CYYR1: variants seen among roughly 807,000 people sequenced by gnomAD.
CYYR1 encodes the protein cysteine and tyrosine rich 1, also known as cysteine and tyrosine-rich protein 1.
CYYR1 carries 14 observed loss-of-function variants against 15.2 expected under a neutral mutation model. The ratio of observed to expected loss-of-function variants is 0.92; its 90% CI spans 0.61 to 1.44. CYYR1 has a LOEUF of 1.44. CYYR1 is among the 40% of genes most tolerant of loss of function. The probability of loss-of-function intolerance (pLI) is 0.00; values close to 1 mark genes in which losing one functional copy is unlikely to be tolerated. For synonymous variants in CYYR1, 80 were observed against 77.4 expected (o/e 1.03, Z -0.18); for missense variants, 228 against 209.5 (o/e 1.09, Z -0.54).
chr21:26,567,721 A>AT (rs1248985262), intron 1 of CYYR1, among the ~76,000 whole-genome samples: 1 of 152,120 alleles, frequency 6.6e-6, no homozygotes, highest in Non-Finnish European at 1.5e-5. Flanking sequence ...TATCAAAGCT[A>AT]TAACATTAAA....
chr21:26,552,707 C>G (rs1033608622), intron 2 of CYYR1, among the ~76,000 whole-genome samples: 3 of 152,122 alleles, frequency 2.0e-5, no homozygotes, highest in African/African-American at 7.2e-5. Flanking sequence ...AACTCTTCAT[C>G]ATCACCTAGA....
At chr21:26,526,673 A>G (rs222934) in intron 2 of CYYR1, among the ~76,000 whole-genome samples, 25 of 151,978 alleles carry the variant, frequency 1.6e-4, no homozygotes, top group Non-Finnish European at 3.1e-4. Flanking sequence ...TCAGGAACAC[A>G]TCTTTCTTCC....
chr21:26,482,793 T>C (rs1649533782), intron 2 of CYYR1, among the ~76,000 whole-genome samples: 1 of 152,110 alleles, frequency 6.6e-6, no homozygotes, highest in African/African-American at 2.4e-5. Context: ...TATAATTACT[T>C]TCCTTTGTGT....
At chr21:26,534,329 C>G (rs2065968215) in intron 2 of CYYR1, among the ~76,000 whole-genome samples, 1 of 152,164 alleles carries the variant, frequency 6.6e-6, no homozygotes, top group South Asian at 2.1e-4. Flanking sequence ...CTTCTCCAGA[C>G]TCAGCTTCAG....
chr21:26,546,882 T>G (rs1045424921), intron 2 of CYYR1, among the ~76,000 whole-genome samples: 1 of 152,128 alleles, frequency 6.6e-6, no homozygotes, highest in African/African-American at 2.4e-5. Flanking sequence ...GGAAGTTCAT[T>G]GTGGCTCGAC....
At position 26,468,049 on chromosome 21, in the gene CYYR1, T is replaced by G; in HGVS notation, c.*452A>C. On this transcript the variant is annotated 3_prime_UTR_variant, in exon 4 of 4. Transcript: ENST00000652641. ...AAACTCTTAGGCACTCAAAATACAT[T>G]TATTGATGAATGAAAGAATGAACAA... 4.4e-6 allele frequency: 1 copy of G among 226,312 alleles called. No homozygotes were observed. Among genetic ancestry groups the G allele is most frequent in the South Asian group, 6.2e-5 (1 of 16,068 alleles). The allele number at this position is 226,312 out of a possible 1,614,324, so 14.0% of individuals were successfully genotyped here.
chr21:26,572,491 CAA>C (rs1421300828), intron 1 of CYYR1, among the ~76,000 whole-genome samples: 1 of 152,072 alleles, frequency 6.6e-6, no homozygotes, highest in Non-Finnish European at 1.5e-5. Flanking sequence ...TTTTTATTCA[CAA>C]GAGGGAAAAC....
At chr21:26,570,794 A>T (rs1980961188) in intron 1 of CYYR1, among the ~76,000 whole-genome samples, 1 of 152,184 alleles carries the variant, frequency 6.6e-6, no homozygotes. Flanking sequence ...CATACCTCTT[A>T]GTTCCAACCA....
At chr21:26,516,975 C>T (rs377029054) in intron 2 of CYYR1, among the ~76,000 whole-genome samples, 2 of 149,854 alleles carry the variant, frequency 1.3e-5, no homozygotes, top group East Asian at 2.0e-4. Flanking sequence ...ATTAGCCGGG[C>T]GTGGTAGCGG....
Position 26,551,258 on chromosome 21 carries a change from T to C in CYYR1, c.176+15008A>G, listed in dbSNP as rs557051229. On this transcript the variant is annotated intron_variant, in intron 2 of 3. Transcript: ENST00000652641. ...GGACCTGGTCACCCAAGAGCTCTGA[T>C]GGAGGTGTGCAAGGAGATGAACGCT... 7 of 152,012 alleles carry C rather than the reference T, an allele frequency of 4.6e-5. No homozygotes were observed. The East Asian group carries it at 1.2e-3, about 25-fold the overall frequency. The allele number at this position is 152,012 out of a possible 1,614,324, so 9.4% of individuals were successfully genotyped here. A position where few individuals can be genotyped will look rare whatever the true frequency, so the allele number is the denominator to read the frequency against.
At chr21:26,517,028 T>A (rs1377273643) in intron 2 of CYYR1, among the ~76,000 whole-genome samples, 1 of 135,108 alleles carries the variant, frequency 7.4e-6, no homozygotes, top group African/African-American at 2.8e-5. Context: ...GGCAGGAGAA[T>A]GGCGTGAACC....
At chr21:26,566,932 C>T (rs1980667864) in intron 1 of CYYR1, among the ~76,000 whole-genome samples, 2 of 150,588 alleles carry the variant, frequency 1.3e-5, no homozygotes, top group South Asian at 4.2e-4. Flanking sequence ...TTACTTGAAC[C>T]CAGGAGATGG....
chr21:26,489,224 A>G (rs901979115), intron 2 of CYYR1, among the ~76,000 whole-genome samples: 1 of 152,186 alleles, frequency 6.6e-6, no homozygotes, highest in Non-Finnish European at 1.5e-5. Context: ...TAAGAAATCT[A>G]TACATTACTT....
intron 2 of CYYR1, among the ~76,000 whole-genome samples, chr21:26,543,931 A>G (rs1283134892): frequency 6.6e-6 from 1 of 151,898 alleles, no homozygotes; most frequent in Non-Finnish European, 1.5e-5. Context: ...TAATAAATAA[A>G]TAAAATAAAA....
intron 2 of CYYR1, among the ~76,000 whole-genome samples, chr21:26,508,708 T>C (rs1269493964): frequency 1.3e-5 from 2 of 152,212 alleles, no homozygotes; most frequent in South Asian, 2.1e-4. Flanking sequence ...GATGGTTTCA[T>C]ATGCTATGGA....
chr21:26,517,253 T>C (rs933042791), intron 2 of CYYR1, among the ~76,000 whole-genome samples: 1 of 151,568 alleles, frequency 6.6e-6, no homozygotes, highest in African/African-American at 2.4e-5. Context: ...GGCAGCTCTA[T>C]AGTAGGATTA....
chr21:26,468,662 A>G, intron 3 of CYYR1, 28 bp from the exon 4 acceptor site: 3 of 1,513,844 alleles, frequency 2.0e-6, no homozygotes, highest in Non-Finnish European at 2.7e-6. Flanking sequence ...GAGAACATCA[A>G]GGAGTTAGCA....
chr21:26,501,870 A>G (rs772795399), intron 2 of CYYR1, among the ~76,000 whole-genome samples: 1 of 152,220 alleles, frequency 6.6e-6, no homozygotes, highest in Non-Finnish European at 1.5e-5. Context: ...GGTGATGAGT[A>G]TTATTAAAAG....
chr21:26,542,045 G>A (rs1187889899), intron 2 of CYYR1, among the ~76,000 whole-genome samples: 1 of 152,036 alleles, frequency 6.6e-6, no homozygotes, highest in African/African-American at 2.4e-5. Context: ...CACATCAGTA[G>A]GAAATGAAGT....
Sources: gnomAD v4.1 joint callset for allele counts (sites outside exome capture counted in the v4.1 genomes callset) on GRCh38, gnomAD v4.1.1 for gene constraint, MANE v1.5 for transcripts, NCBI Gene and HGNC (gene_info 2026-07-23, HGNC 2026-07-21) for gene names.